FGF14: variants seen among roughly 807,000 people sequenced by gnomAD.
The protein encoded by FGF14 is fibroblast growth factor 14.
A neutral mutation model predicts 25.5 loss-of-function variants in FGF14; 5 were observed. The observed-to-expected ratio is 0.20, with a 90% confidence interval of 0.10 to 0.41. FGF14 has a LOEUF of 0.41. Among genes scored for constraint, FGF14 ranks in the 10% least tolerant of loss-of-function variants. FGF14 has a pLI of 1.00. For missense variants in FGF14, 222 were observed against 320.1 expected, an observed-to-expected ratio of 0.69 and a Z score of 2.34; for synonymous variants, 138 against 118.3, an observed-to-expected ratio of 1.17 and a Z score of -1.08.
chr13:102,161,626 AAGAAGAAGAAGAAGAAGAAGAAG>A (rs1566764625), intron 1 of FGF14, among the ~76,000 whole-genome samples: 148 of 10,850 alleles, frequency 0.014, 10 homozygotes, highest in Non-Finnish European at 0.016. Context: ...GAAGAAGAAG[AAGAAGAAGAAGAAGAAGAAGAAG>A]AAGAAGAAGA....
At chr13:101,797,120 TGA>T (rs2040571948) in intron 3 of FGF14, among the ~76,000 whole-genome samples, 1 of 152,088 alleles carries the variant, frequency 6.6e-6, no homozygotes, top group Admixed American at 6.6e-5. Flanking sequence ...CCTTACAACA[TGA>T]GACAGTGTGT....
intron 3 of FGF14, among the ~76,000 whole-genome samples, chr13:101,855,304 A>G (rs1594495533): frequency 6.6e-6 from 1 of 152,164 alleles, no homozygotes; most frequent in East Asian, 1.9e-4. Context: ...CATTTCACAT[A>G]ATCAAGAATG....
At chr13:101,957,383 G>A (rs956992288) in intron 1 of FGF14, among the ~76,000 whole-genome samples, 2 of 152,136 alleles carry the variant, frequency 1.3e-5, no homozygotes, top group African/African-American at 2.4e-5. Context: ...GGAATAAGAC[G>A]AAGAAAATAC....
Position 102,246,397 on chromosome 13 carries a change from G to A in FGF14, c.208+155074C>T, listed in dbSNP as rs1594566246. Among the ~76,000 whole-genome samples, 7 of 152,152 alleles carry A rather than the reference G, an allele frequency of 4.6e-5. No individual in the cohort carries two copies. In the South Asian group the frequency reaches 1.2e-3, roughly 27 times the overall value. Reference sequence around the variant, plus strand: ...GATGTAACTATCTAGGCTACCTTTTGAAAATCAAGGTGAGTTGGTTTGAAA... The same window carrying A: ...GATGTAACTATCTAGGCTACCTTTTAAAAATCAAGGTGAGTTGGTTTGAAA... On this transcript the variant is annotated intron_variant, in intron 1 of 4. Transcript: ENST00000376131.
chr13:101,897,129 G>A (rs920701458), intron 1 of FGF14, among the ~76,000 whole-genome samples: 1 of 152,164 alleles, frequency 6.6e-6, no homozygotes, highest in Non-Finnish European at 1.5e-5. Context: ...GAAGAAAAGG[G>A]TTCTGATCCA....
intron 1 of FGF14, among the ~76,000 whole-genome samples, chr13:102,009,043 T>TA (rs1430719655): frequency 6.6e-6 from 1 of 152,118 alleles, no homozygotes; most frequent in Non-Finnish European, 1.5e-5. Context: ...TCCTTTAATA[T>TA]AAAAGCCATA....
intron 1 of FGF14, among the ~76,000 whole-genome samples, chr13:101,882,100 TA>T (rs1474620590): frequency 1.3e-5 from 2 of 151,850 alleles, no homozygotes; most frequent in African/African-American, 2.4e-5. Flanking sequence ...AGTATTATGT[TA>T]AATTTAATAC....
chr13:102,141,366 G>A (rs16959810), intron 1 of FGF14, among the ~76,000 whole-genome samples: 3,421 of 152,246 alleles, frequency 0.022, 143 homozygotes, highest in African/African-American at 0.079. Flanking sequence ...TTACTGCTAC[G>A]TTAAACAAGA....
chr13:101,875,344 G>T (rs1264944834), intron 1 of FGF14, 48 bp from the exon 2 acceptor site: 15 of 1,254,304 alleles, frequency 1.2e-5, no homozygotes, highest in Non-Finnish European at 1.8e-5. Flanking sequence ...TGTCACCATA[G>T]TTTCCTTTAT....
Position 101,715,579 on chromosome 13 carries a change from CTG to C in FGF14, c.*7250_*7251del. 1 of 1,612,128 alleles carries C rather than the reference CTG, an allele frequency of 6.2e-7. No individual in the cohort carries two copies. The highest frequency in any genetic ancestry group is 8.5e-7 in the Non-Finnish European group (1 of 1,178,322). Reference sequence around the variant, plus strand: ...TTATTGCAGGGAATGGAATATGTAGCTGTGGAAACTGTGAATGCTGGGATGGA... The same window carrying C: ...TTATTGCAGGGAATGGAATATGTAGCTGGAAACTGTGAATGCTGGGATGGA... On this transcript the variant is annotated 3_prime_UTR_variant, in exon 5 of 5. Transcript: ENST00000376143.
At position 102,338,232 on chromosome 13, in the gene FGF14, G is replaced by A. The variant is rs112409441; in HGVS notation, c.208+63239C>T. Among the ~76,000 whole-genome samples, 447 of 152,206 alleles carry A rather than the reference G, an allele frequency of 2.9e-3. 2 individuals are homozygous for A. Among genetic ancestry groups the A allele is most frequent in the African/African-American group, 0.01 (427 of 41,526 alleles). On this transcript the variant is annotated intron_variant, in intron 1 of 4. Coordinates refer to the FGF14 transcript ENST00000376131. ...TGATTACCCATTGTTCCTTCCCTCA[G>A]GAATGTTGAGAAATATTAGGTGGAG...
chr13:101,871,880 A>T (rs1276969022), intron 2 of FGF14, among the ~76,000 whole-genome samples: 1 of 151,982 alleles, frequency 6.6e-6, no homozygotes, highest in East Asian at 1.9e-4. Context: ...CACCAGAACC[A>T]TTTACCCATC....
chr13:102,165,592 A>G (rs1400068896), intron 1 of FGF14, among the ~76,000 whole-genome samples: 1 of 142,064 alleles, frequency 7.0e-6, no homozygotes, highest in Non-Finnish European at 1.5e-5. Flanking sequence ...ACGAATTCTC[A>G]CTCATAGGTG....
chr13:102,267,261 T>C (rs1458134978), intron 1 of FGF14, among the ~76,000 whole-genome samples: 1 of 152,190 alleles, frequency 6.6e-6, no homozygotes, highest in Non-Finnish European at 1.5e-5. Context: ...AGCTTCTCAA[T>C]GAAGGGACCT....
chr13:101,748,031 G>C (rs2037002134), intron 3 of FGF14, among the ~76,000 whole-genome samples: 1 of 151,916 alleles, frequency 6.6e-6, no homozygotes. Context: ...ATTTAACTTA[G>C]TACAGTATTT....
chr13:102,365,789 A>G (rs1181800674), intron 1 of FGF14, among the ~76,000 whole-genome samples: 1 of 152,096 alleles, frequency 6.6e-6, no homozygotes, highest in East Asian at 1.9e-4. Flanking sequence ...GTTTATATAT[A>G]GTTATATGTG....
At chr13:101,855,836 T>C (rs75067924) in intron 3 of FGF14, among the ~76,000 whole-genome samples, 2,124 of 151,906 alleles carry the variant, frequency 0.014, 45 homozygotes, top group African/African-American at 0.049. Flanking sequence ...TTTATGGTTG[T>C]TGTTGTTATT....
intron 1 of FGF14, among the ~76,000 whole-genome samples, chr13:102,242,072 C>T (rs772444568): frequency 6.6e-6 from 1 of 152,050 alleles, no homozygotes; most frequent in Non-Finnish European, 1.5e-5. Flanking sequence ...AAGTACAAAG[C>T]ATTGTATAAT....
chr13:102,207,733 T>C (rs1053771576), intron 1 of FGF14, among the ~76,000 whole-genome samples: 3 of 152,048 alleles, frequency 2.0e-5, no homozygotes, highest in Non-Finnish European at 2.9e-5. Flanking sequence ...CATATAGGAT[T>C]TTCCAAAATG....
Sources: gnomAD v4.1 joint callset for allele counts (sites outside exome capture counted in the v4.1 genomes callset) on GRCh38, gnomAD v4.1.1 for gene constraint, MANE v1.5 for transcripts, NCBI Gene and HGNC (gene_info 2026-07-23, HGNC 2026-07-21) for gene names.